Variants in ABCA1 observed in about 807,000 individuals in gnomAD.
ABCA1 encodes ATP binding cassette subfamily A member 1, also known as phospholipid-transporting ATPase ABCA1.
In ABCA1, 133 loss-of-function variants were observed where a neutral mutation model predicts 262.5. The observed-to-expected ratio is 0.51, with a 90% CI of 0.44 to 0.59. The LOEUF (loss-of-function observed/expected upper bound fraction) is 0.59, where lower values mean the gene tolerates loss of function less well. Among genes scored for constraint, ABCA1 ranks in the 20% least tolerant of loss-of-function variants. The pLI, the probability that ABCA1 is intolerant of heterozygous loss-of-function variation, is 0.00. For missense variants in ABCA1, 2,452 were observed against 2,777.5 expected (o/e 0.88, Z 2.63); for synonymous variants, 1,022 against 1,043.5 (o/e 0.98, Z 0.40).
intron 5 of ABCA1, among the ~76,000 whole-genome samples, chr9:104,868,218 G>C (rs1470811147): frequency 6.6e-6 from 1 of 152,186 alleles, no homozygotes; most frequent in Non-Finnish European, 1.5e-5. Flanking sequence ...AATTAGCCGG[G>C]TGTGGTGGCG....
intron 15 of ABCA1, 43 bp downstream of exon 15, chr9:104,828,873 T>G: frequency 1.3e-6 from 2 of 1,599,734 alleles, no homozygotes; most frequent in Non-Finnish European, 1.7e-6. Context: ...GTTGAGCTAT[T>G]TCGGAGTTTC....
chr9:104,822,133 T>A (rs374965092), intron 19 of ABCA1, among the ~76,000 whole-genome samples: 10 of 152,128 alleles, frequency 6.6e-5, no homozygotes, highest in Non-Finnish European at 1.0e-4. Flanking sequence ...CCCAGCTTGA[T>A]TGCGTCTCAC....
chr9:104,792,759 G>A (rs1829536590), intron 42 of ABCA1, 27 bp downstream of exon 42: 2 of 1,613,776 alleles, frequency 1.2e-6, no homozygotes, highest in Non-Finnish European at 1.7e-6. Flanking sequence ...AACTGAAGAT[G>A]AGCTATTGTA....
At position 104,820,088 on chromosome 9, in the gene ABCA1, G is replaced by A. The variant is rs1044305686; in HGVS notation, c.2961-19C>T. The stretch of plus-strand genomic sequence containing the variant: ...AGTCAGCCTGGGGACAGGGAGGCAG[G>A]TCAGCTCTGGGCCCTACTGGATACC... On this transcript the variant is annotated intron_variant, in intron 20 of 49. Coordinates refer to ENST00000374736, the MANE Select transcript of ABCA1 (RefSeq NM_005502.4). 1 of 1,614,154 alleles carries A rather than the reference G, an allele frequency of 6.2e-7. No homozygotes were observed. Among genetic ancestry groups the A allele is most frequent in the African/African-American group, 1.3e-5 (1 of 75,052 alleles).
intron 2 of ABCA1, chr9:104,889,609 C>T (rs1472206974): frequency 6.5e-6 from 1 of 153,132 alleles, no homozygotes; most frequent in Non-Finnish European, 1.5e-5. Flanking sequence ...GCTTCCTCAG[C>T]ACATTGAGCA....
intron 9 of ABCA1, among the ~76,000 whole-genome samples, chr9:104,840,001 T>G (rs943599778): frequency 3.7e-4 from 57 of 152,220 alleles, no homozygotes; most frequent in Non-Finnish European, 2.5e-4. Context: ...AAGCCACCCT[T>G]CCACATCCCC....
rs766136483 is a variant in ABCA1, at chr9:104,829,131, G to A, written c.1900C>T (p.Arg634Trp). ...AGGGGCATTGACCGGCTCATCACCCGCAGAAAGCTGGAGGCCCCAAGGAAG... is the reference window on the plus strand; with the variant it reads ...AGGGGCATTGACCGGCTCATCACCCACAGAAAGCTGGAGGCCCCAAGGAAG... ...YPCYVDDIFL[R>W]VMSRSMPLFM... The change falls in exon 15 of 50, where the codon CGG (arginine) becomes TGG (tryptophan). Residue 634 changes from arginine to tryptophan, a missense_variant. Transcript: ENST00000374736. 6.8e-6 allele frequency: 11 copies of A among 1,613,940 alleles called. 1 individual carries two copies. The highest frequency in any genetic ancestry group is 4.5e-5 in the East Asian group (2 of 44,880).
At position 104,784,133 on chromosome 9, in the gene ABCA1, C is replaced by T; in HGVS notation, c.*182G>A. 1 of 710,932 alleles carries T rather than the reference C, an allele frequency of 1.4e-6. No individual in the cohort carries two copies. The highest frequency in any genetic ancestry group is 2.3e-6 in the Non-Finnish European group (1 of 429,796). 44.0% of individuals were successfully genotyped at this position (710,932 alleles called of 1,614,324 possible). ...CAAGACATAGGCTACAAAGGCACTG[C>T]CCCTGTAATGGAATTTTGTTTTCAT... On this transcript the variant is annotated 3_prime_UTR_variant, in exon 50 of 50. Transcript: ENST00000374736.
intron 5 of ABCA1, among the ~76,000 whole-genome samples, chr9:104,878,464 T>C (rs961462319): frequency 6.6e-6 from 1 of 152,188 alleles, no homozygotes; most frequent in Non-Finnish European, 1.5e-5. Flanking sequence ...AACAGCACAA[T>C]AGAGCACTGT....
chr9:104,790,098 A>AAT (rs568770200), intron 44 of ABCA1, among the ~76,000 whole-genome samples: 98 of 149,216 alleles, frequency 6.6e-4, no homozygotes, highest in African/African-American at 2.2e-3. Context: ...CTCCGTCTCA[A>AAT]AAAAAAAAAA....
At chr9:104,908,249 T>C (rs1436591798) in intron 1 of ABCA1, among the ~76,000 whole-genome samples, 1 of 152,236 alleles carries the variant, frequency 6.6e-6, no homozygotes, top group African/African-American at 2.4e-5. Context: ...GCTAAGGTTA[T>C]ACAGTACTAT....
At chr9:104,868,296 G>A (rs979679783) in intron 5 of ABCA1, among the ~76,000 whole-genome samples, 11 of 152,116 alleles carry the variant, frequency 7.2e-5, no homozygotes, top group African/African-American at 2.7e-4. Flanking sequence ...AGGTTGCAGT[G>A]AGCCGAGATC....
At chr9:104,860,882 G>A (rs1048834851) in intron 6 of ABCA1, among the ~76,000 whole-genome samples, 3 of 149,688 alleles carry the variant, frequency 2.0e-5, no homozygotes, top group Non-Finnish European at 2.9e-5. Flanking sequence ...TCAGCCTCAC[G>A]AGTAGCTGGG....
At chr9:104,804,999 G>A (rs1830645096) in intron 31 of ABCA1, among the ~76,000 whole-genome samples, 1 of 152,142 alleles carries the variant, frequency 6.6e-6, no homozygotes, top group South Asian at 2.1e-4. Context: ...AGATTTTTAG[G>A]AAGCACCATC....
At chr9:104,841,486 T>A (rs1234290974) in intron 8 of ABCA1, among the ~76,000 whole-genome samples, 1 of 152,082 alleles carries the variant, frequency 6.6e-6, no homozygotes, top group Non-Finnish European at 1.5e-5. Flanking sequence ...GTCTGAACCC[T>A]AGCTATGTCC....
intron 25 of ABCA1, among the ~76,000 whole-genome samples, chr9:104,815,751 T>G (rs1245917236): frequency 1.3e-5 from 2 of 152,234 alleles, no homozygotes; most frequent in African/African-American, 4.8e-5. Context: ...TCTGATTCAG[T>G]AGGTCTGAGC....
chr9:104,861,472 C>T (rs1836378809), intron 6 of ABCA1: 2 of 644,976 alleles, frequency 3.1e-6, no homozygotes, highest in Non-Finnish European at 2.7e-6. Context: ...AACCAGCTGG[C>T]CCATGACGCC....
chr9:104,796,050 C>CA lies in ABCA1; in HGVS notation c.5382+2dup. On this transcript the variant is annotated splice_region_variant and intron_variant, in intron 39 of 49. Transcript: ENST00000374736. ...GCAGGAGTGTTCTCTCTGCATGACTCACATTGTCGGTGAACAGCTCCAGCA... is the reference window on the plus strand; with the variant it reads ...GCAGGAGTGTTCTCTCTGCATGACTCAACATTGTCGGTGAACAGCTCCAGCA... 6.2e-7 allele frequency: 1 copy of CA among 1,612,506 alleles called. No individual in the cohort carries two copies.
chr9:104,848,539 T>C (rs1319028390), intron 7 of ABCA1, among the ~76,000 whole-genome samples: 2 of 151,058 alleles, frequency 1.3e-5, no homozygotes, highest in African/African-American at 4.9e-5. Flanking sequence ...TGCTTGAACC[T>C]GGGAGGCAGA....
Sources: allele counts gnomAD v4.1 joint callset (sites outside exome capture counted in the v4.1 genomes callset), GRCh38; gene constraint gnomAD v4.1.1; transcripts MANE v1.5; gene names NCBI Gene and HGNC (gene_info 2026-07-23, HGNC 2026-07-21).